ADGRA3: variants seen among roughly 807,000 people sequenced by gnomAD.
ADGRA3 encodes adhesion G protein-coupled receptor A3.
In ADGRA3, 56 loss-of-function variants were observed where a neutral mutation model predicts 119.8. The observed-to-expected ratio is 0.47, with a 90% confidence interval of 0.38 to 0.58. ADGRA3 has a LOEUF of 0.58. ADGRA3 is among the 20% of genes least tolerant of loss of function. ADGRA3 has a pLI of 0.00. For missense variants in ADGRA3, 1,516 were observed against 1,649.0 expected, an observed-to-expected ratio of 0.92 and a Z score of 1.40; for synonymous variants, 607 against 623.8, an observed-to-expected ratio of 0.97 and a Z score of 0.40.
At position 22,388,105 on chromosome 4, in the gene ADGRA3, T is replaced by A; in HGVS notation, c.3566A>T (p.Glu1189Val). The A allele has an allele frequency of 6.2e-7, 1 of 1,614,170 alleles. No homozygotes were observed. Among genetic ancestry groups the A allele is most frequent in the Non-Finnish European group, 8.5e-7 (1 of 1,180,014 alleles). ...GCTCGTTGGGACATCGTAGGCATAT[T>A]CTCTCAGGACTGTGAGTCGGCTTGC... ...HRASRLTVLR[E>V]YAYDVPTSVE... The change falls in exon 19 of 19, where the codon GAA becomes GTA. Residue 1189 changes from glutamate (E) to valine (V), a missense_variant. Glu to Val is a moderately radical substitution (Grantham distance 121). This residue lies in a region of ADGRA3 where 1,088 missense variants were observed against 1,107.1 expected (regional missense o/e 0.98). Coordinates refer to ENST00000334304, the MANE Select transcript of ADGRA3 (RefSeq NM_145290.4).
At chr4:22,514,478 T>C (rs1026437917) in intron 1 of ADGRA3, 2 of 152,234 alleles carry the variant, frequency 1.3e-5, no homozygotes. Context: ...TGTATACTCC[T>C]GCTGAATTTG....
chr4:22,421,905 AAGCAAATTAGGTCAGAAAAATCATCTG>A (rs1344219298), intron 11 of ADGRA3, among the ~76,000 whole-genome samples: 19 of 142,116 alleles, frequency 1.3e-4, no homozygotes, highest in African/African-American at 5.0e-4. Flanking sequence ...AAAAAAAAAA[AAGCAAATTAGGTCAGAAAAATCATCTG>A]AAAAGCAAAT....
At chr4:22,482,407 G>A (rs1338146608) in intron 1 of ADGRA3, among the ~76,000 whole-genome samples, 1 of 151,836 alleles carries the variant, frequency 6.6e-6, no homozygotes, top group Non-Finnish European at 1.5e-5. Flanking sequence ...TATAATCCCA[G>A]CAATTTGGGA....
chr4:22,442,904 T>C, intron 6 of ADGRA3, 41 bp from the exon 7 acceptor site: 1 of 1,399,988 alleles, frequency 7.1e-7, no homozygotes, highest in Non-Finnish European at 1.0e-6. Flanking sequence ...CAAATATAAT[T>C]TCCAAACACC....
intron 10 of ADGRA3, among the ~76,000 whole-genome samples, chr4:22,430,657 G>GA (rs111409270): frequency 6.4e-4 from 94 of 147,644 alleles, no homozygotes; most frequent in East Asian, 4.1e-3. Context: ...CAATGTGATA[G>GA]AAAAAAAAAA....
chr4:22,390,958 ACT>A (rs1292376815), intron 17 of ADGRA3, among the ~76,000 whole-genome samples: 1 of 151,632 alleles, frequency 6.6e-6, no homozygotes, highest in African/African-American at 2.4e-5. Flanking sequence ...CTACAACATA[ACT>A]CTGGGGCCAC....
chr4:22,416,482 C>A (rs553534574), intron 12 of ADGRA3, among the ~76,000 whole-genome samples: 9 of 152,260 alleles, frequency 5.9e-5, no homozygotes, highest in African/African-American at 2.2e-4. Context: ...TTTGTTTAAC[C>A]TCTCTGAGTC....
intron 2 of ADGRA3, among the ~76,000 whole-genome samples, chr4:22,470,333 A>AT (rs1251835604): frequency 6.6e-6 from 1 of 151,864 alleles, no homozygotes; most frequent in East Asian, 1.9e-4. Flanking sequence ...AAAAAAAAAA[A>AT]AAATCAACCT....
At chr4:22,432,919 A>C (rs1716245394) in intron 10 of ADGRA3, among the ~76,000 whole-genome samples, 2 of 152,198 alleles carry the variant, frequency 1.3e-5, no homozygotes, top group Non-Finnish European at 2.9e-5. Flanking sequence ...AATCAATTTA[A>C]TTAATTATTT....
At chr4:22,474,397 A>C (rs186352935) in intron 1 of ADGRA3, among the ~76,000 whole-genome samples, 17 of 152,324 alleles carry the variant, frequency 1.1e-4, no homozygotes, top group African/African-American at 2.6e-4. Flanking sequence ...GCTGAATCAT[A>C]ATATATCTCA....
chr4:22,424,318 A>T lies in ADGRA3; in HGVS notation c.1478T>A (p.Ile493Asn). Residue 493 changes from isoleucine (I) to asparagine (N), a missense_variant, in exon 11 of 19, where the codon ATC (isoleucine) becomes AAC (asparagine). Physicochemically the swap from Ile to Asn is moderately radical, Grantham distance 149 (BLOSUM62 -3). Transcript: ENST00000334304. ...GDVMVDIASN[I>N]MLADERVLWL... is the part of the protein sequence containing the mutation. ...CAGGACACGTTCATCAGCCAACATG[A>T]TGTTACTTGCAATGTCAACCATCAC... 1.2e-6 allele frequency: 2 copies of T among 1,613,836 alleles called. No individual in the cohort carries two copies. Among genetic ancestry groups the T allele is most frequent in the Non-Finnish European group, 1.7e-6 (2 of 1,179,816 alleles).
At chr4:22,435,490 T>A (rs1716359368) in intron 9 of ADGRA3, 24 bp from the exon 10 acceptor site, 1 of 1,566,292 alleles carries the variant, frequency 6.4e-7, no homozygotes, top group Non-Finnish European at 8.7e-7. Flanking sequence ...GCAAAAATGA[T>A]CAACAAAACA....
chr4:22,421,881 C>CCAAA (rs767609157), intron 11 of ADGRA3, among the ~76,000 whole-genome samples: 3 of 70,442 alleles, frequency 4.3e-5, no homozygotes, highest in African/African-American at 1.9e-4. Context: ...ACTCAGTCTC[C>CCAAA]AAAAAAAAAA....
At chr4:22,443,343 G>A (rs757512255) in intron 6 of ADGRA3, among the ~76,000 whole-genome samples, 39 of 151,972 alleles carry the variant, frequency 2.6e-4, no homozygotes, top group South Asian at 1.0e-3. Flanking sequence ...CCCATATACC[G>A]TAAACAGTTT....
chr4:22,397,801 C>T (rs1033055143), intron 16 of ADGRA3, among the ~76,000 whole-genome samples: 5 of 152,158 alleles, frequency 3.3e-5, no homozygotes, highest in Admixed American at 1.3e-4. Flanking sequence ...CTTCCTTTGC[C>T]TTCCACCATG....
At chr4:22,408,028 TA>T (rs1165438300) in intron 14 of ADGRA3, among the ~76,000 whole-genome samples, 1 of 151,888 alleles carries the variant, frequency 6.6e-6, no homozygotes, top group African/African-American at 2.4e-5. Flanking sequence ...ATCAGAAATG[TA>T]AAAAAACAAA....
intron 3 of ADGRA3, chr4:22,455,833 ATTG>A: frequency 7.8e-7 from 1 of 1,288,076 alleles, no homozygotes; most frequent in South Asian, 1.2e-5. Context: ...GACTCGCATC[ATTG>A]TTTTCAGTGG....
rs377186116 is a variant in ADGRA3, at chr4:22,461,810, T to A, written c.330-2A>T. ...CTAATAAGATTGTTTCGGAGGTCCC[T>A]GTTAAAAATAAAATAAAAGTTATTC... On this transcript the variant is annotated splice_acceptor_variant, in intron 2 of 18. Coordinates refer to ENST00000334304, the MANE Select transcript of ADGRA3 (RefSeq NM_145290.4). LOFTEE classifies it high-confidence loss of function. The A allele has an allele frequency of 5.0e-6, 8 of 1,594,764 alleles. No individual in the cohort carries two copies. The Admixed American group carries it at 1.3e-4, about 27-fold the overall frequency.
chr4:22,501,597 G>A (rs1418421502), intron 1 of ADGRA3, among the ~76,000 whole-genome samples: 1 of 152,002 alleles, frequency 6.6e-6, no homozygotes, highest in African/African-American at 2.4e-5. Context: ...TGCAGGTCCT[G>A]GGGACTCCCC....
Sources: gnomAD v4.1 joint callset for allele counts (sites outside exome capture counted in the v4.1 genomes callset) on GRCh38, gnomAD v4.1.1 for gene constraint, gnomAD v4.1.1 regional missense constraint, MANE v1.5 for transcripts, NCBI Gene and HGNC (gene_info 2026-07-23, HGNC 2026-07-21) for gene names.